The following PLEKHG1 variants were observed in gnomAD, a reference collection of about 807,000 sequenced individuals.
PLEKHG1 encodes pleckstrin homology domain-containing family G member 1.
In PLEKHG1, 44 loss-of-function variants were observed where a neutral mutation model predicts 100.8. The observed-to-expected ratio is 0.44, with a 90% confidence interval of 0.34 to 0.56. PLEKHG1 has a LOEUF of 0.56. Among genes scored for constraint, PLEKHG1 ranks in the 20% least tolerant of loss-of-function variants. PLEKHG1 has a pLI of 0.01. For missense variants in PLEKHG1, 1,545 were observed against 1,720.9 expected (o/e 0.90, Z 1.81); for synonymous variants, 640 against 662.5 (o/e 0.97, Z 0.52).
chr6:150,677,443 A>G (rs932100871), intron 3 of PLEKHG1, among the ~76,000 whole-genome samples: 11 of 152,178 alleles, frequency 7.2e-5, no homozygotes, highest in African/African-American at 2.7e-4. Context: ...CCATGACTCC[A>G]GGCTGGCTGA....
rs578201100 is a variant in PLEKHG1, at chr6:150,782,381, G to A, written c.513-4009G>A. ...TGCACTCCAGCTTGGGCAGCAGAGC[G>A]AGACTCTGTCTCAAAAAAATAATAA... On this transcript the variant is annotated intron_variant, in intron 3 of 15. Transcript: ENST00000358517. Among the ~76,000 whole-genome samples, 12 of 152,202 alleles carry A rather than the reference G, an allele frequency of 7.9e-5. No homozygotes were observed. In the South Asian group the frequency reaches 1.9e-3, roughly 24 times the overall value.
chr6:150,797,023 C>G (rs774049527), intron 5 of PLEKHG1, among the ~76,000 whole-genome samples: 3 of 151,998 alleles, frequency 2.0e-5, no homozygotes, highest in Non-Finnish European at 4.4e-5. Context: ...CAGAGTCTCA[C>G]TCCGCCACCC....
upstream of PLEKHG1, among the ~76,000 whole-genome samples, chr6:150,716,947 G>GCTCAAGCCATGCTCCGAC (rs1781468657): frequency 6.6e-6 from 1 of 152,120 alleles, no homozygotes; most frequent in African/African-American, 2.4e-5. Context: ...AAACTCCTGG[G>GCTCAAGCCATGCTCCGAC]CTCAAGCCAT....
At chr6:150,733,550 A>G (rs1782388572) in intron 1 of PLEKHG1, 34 bp from the exon 3 acceptor site, 10 of 1,538,080 alleles carry the variant, frequency 6.5e-6, no homozygotes, top group Non-Finnish European at 6.1e-6. Context: ...AGAATTGCTT[A>G]TCTTGTCCTT....
chr6:150,828,970 TAA>T (rs1171848859), intron 14 of PLEKHG1, among the ~76,000 whole-genome samples: 2 of 152,204 alleles, frequency 1.3e-5, no homozygotes, highest in Non-Finnish European at 2.9e-5. Flanking sequence ...AATAAATGGC[TAA>T]TTGAATTGCT....
chr6:150,612,907 G>A (rs1184382028), intron 1 of PLEKHG1, among the ~76,000 whole-genome samples: 1 of 152,148 alleles, frequency 6.6e-6, no homozygotes, highest in Non-Finnish European at 1.5e-5. Flanking sequence ...TCCTTGCTTA[G>A]ACCTCGCCTT....
chr6:150,762,430 C>T (rs941062778), intron 2 of PLEKHG1, among the ~76,000 whole-genome samples: 5 of 151,890 alleles, frequency 3.3e-5, no homozygotes, highest in African/African-American at 1.2e-4. Flanking sequence ...AGCTGCTGAC[C>T]TCTGATAACC....
At chr6:150,731,275 T>C (rs368782805) in intron 1 of PLEKHG1, among the ~76,000 whole-genome samples, 1 of 152,184 alleles carries the variant, frequency 6.6e-6, no homozygotes, top group African/African-American at 2.4e-5. Context: ...AAAGTTGTTA[T>C]AGAACAAGCA....
In PLEKHG1 at chr6:150,831,040, G is replaced by A. The variant is rs1776894160; in HGVS notation, c.1929G>A (p.Met643Ile). 6.2e-7 allele frequency: 1 copy of A among 1,613,998 alleles called. No individual in the cohort carries two copies. Residue 643 changes from methionine to isoleucine, a missense_variant, in exon 15 of 16, where the codon ATG becomes ATA. Transcript: ENST00000358517. The surrounding 1 kb of genome is among the most constrained non-coding windows in gnomAD (Gnocchi z 4.1). ...CCAAAACAGAAGGGCAGGAGGAGAT[G>A]ACTCCCTTTGGGTCATCCATAGAGT...
chr6:150,814,770 G>A (rs551130312), intron 10 of PLEKHG1, among the ~76,000 whole-genome samples: 10 of 152,296 alleles, frequency 6.6e-5, no homozygotes, highest in African/African-American at 2.4e-4. Context: ...GTGCAGTGGT[G>A]CAATCTCCAT....
intron 3 of PLEKHG1, among the ~76,000 whole-genome samples, chr6:150,769,013 G>A (rs988453612): frequency 4.6e-5 from 7 of 152,092 alleles, no homozygotes; most frequent in African/African-American, 1.7e-4. Context: ...AATATGACAT[G>A]AACATGACAT....
chr6:150,767,307 G>A (rs1784498312), intron 2 of PLEKHG1, among the ~76,000 whole-genome samples: 1 of 152,078 alleles, frequency 6.6e-6, no homozygotes, highest in Non-Finnish European at 1.5e-5. Context: ...CAAGCTATTT[G>A]GGGATTTTAA....
intron 13 of PLEKHG1, among the ~76,000 whole-genome samples, chr6:150,821,467 T>C (rs2128679182): frequency 6.6e-6 from 1 of 152,286 alleles, no homozygotes; most frequent in East Asian, 1.9e-4. Flanking sequence ...GCGGCTCTGT[T>C]GAGGCCAGGA....
At chr6:150,827,133 G>A (rs1407973728) in intron 14 of PLEKHG1, among the ~76,000 whole-genome samples, 3 of 151,500 alleles carry the variant, frequency 2.0e-5, no homozygotes, top group Admixed American at 6.6e-5. Flanking sequence ...GGGCTCAAGT[G>A]ATCTGCCTGC....
intron 3 of PLEKHG1, among the ~76,000 whole-genome samples, chr6:150,686,558 A>G (rs1255569874): frequency 2.0e-5 from 3 of 152,234 alleles, no homozygotes; most frequent in Admixed American, 2.0e-4. Flanking sequence ...GATCACTCAT[A>G]TAAAGGAGAC....
chr6:150,601,744 C>T (rs1211774093), intron 1 of PLEKHG1, among the ~76,000 whole-genome samples: 2 of 152,162 alleles, frequency 1.3e-5, no homozygotes, highest in Non-Finnish European at 2.9e-5. Flanking sequence ...GTGTAGCAGC[C>T]CCCCAAGTCC....
chr6:150,788,012 A>G (rs1027481411), intron 4 of PLEKHG1, among the ~76,000 whole-genome samples: 6 of 152,268 alleles, frequency 3.9e-5, no homozygotes, highest in Non-Finnish European at 7.3e-5. Flanking sequence ...CAGCACATAA[A>G]CAACGTAGAA....
intron 3 of PLEKHG1, among the ~76,000 whole-genome samples, chr6:150,769,723 T>G (rs1024179267): frequency 1.3e-5 from 2 of 152,124 alleles, no homozygotes; most frequent in Admixed American, 1.3e-4. Flanking sequence ...GAGTGAATCT[T>G]TAAATGGAAT....
chr6:150,816,168 C>T (rs1192069456), intron 10 of PLEKHG1, among the ~76,000 whole-genome samples: 1 of 151,946 alleles, frequency 6.6e-6, no homozygotes, highest in Non-Finnish European at 1.5e-5. Context: ...CCAGTCTGCT[C>T]TCATCTTATT....
Sources: allele counts gnomAD v4.1 joint callset (sites outside exome capture counted in the v4.1 genomes callset), GRCh38; gene constraint gnomAD v4.1.1; non-coding constraint Gnocchi (gnomAD v3.1); transcripts MANE v1.5; gene names NCBI Gene and HGNC (gene_info 2026-07-23, HGNC 2026-07-21).